RAPGEF1: variants seen among roughly 807,000 people sequenced by gnomAD.
The protein encoded by RAPGEF1 is CRK SH3-binding GNRP.
Under a neutral mutation model 143.3 loss-of-function variants are expected in RAPGEF1, and 33 were observed. The ratio of observed to expected loss-of-function variants is 0.23; its 90% CI spans 0.17 to 0.31. RAPGEF1 has a LOEUF of 0.31. Among genes scored for constraint, RAPGEF1 ranks in the 10% least tolerant of loss-of-function variants. RAPGEF1 has a pLI of 1.00. For missense variants in RAPGEF1, 1,199 were observed against 1,645.4 expected, an observed-to-expected ratio of 0.73 and a Z score of 4.69; for synonymous variants, 629 against 676.5, an observed-to-expected ratio of 0.93 and a Z score of 1.09.
intron 1 of RAPGEF1, among the ~76,000 whole-genome samples, chr9:131,672,020 C>A (rs566341998): frequency 6.6e-6 from 1 of 152,216 alleles, no homozygotes; most frequent in African/African-American, 2.4e-5. Flanking sequence ...GGAGAAACCC[C>A]CTCACTGGGC....
At chr9:131,719,778 G>C (rs1244638467) in intron 1 of RAPGEF1, among the ~76,000 whole-genome samples, 1 of 151,792 alleles carries the variant, frequency 6.6e-6, no homozygotes, top group Non-Finnish European at 1.5e-5. Flanking sequence ...TTTGAGATCT[G>C]AAAGAGTTAA....
intron 10 of RAPGEF1, 97 bp from the exon 11 acceptor site, chr9:131,622,095 C>G: frequency 2.6e-6 from 3 of 1,170,850 alleles, no homozygotes; most frequent in Non-Finnish European, 2.5e-6. Flanking sequence ...GGGCTTTCCA[C>G]TGAAAGCACC....
intron 16 of RAPGEF1, among the ~76,000 whole-genome samples, chr9:131,597,511 G>GC (rs1955507030): frequency 6.6e-6 from 1 of 152,168 alleles, no homozygotes; most frequent in Non-Finnish European, 1.5e-5. Flanking sequence ...TCAAATCGAA[G>GC]CCCCAAAACA....
intron 9 of RAPGEF1, among the ~76,000 whole-genome samples, chr9:131,626,829 G>T (rs906385771): frequency 3.3e-5 from 5 of 152,158 alleles, no homozygotes; most frequent in Admixed American, 3.3e-4. Flanking sequence ...AGGGCCACGC[G>T]GTGGCTCACG....
At chr9:131,634,080 G>A (rs1188810656) in intron 5 of RAPGEF1, among the ~76,000 whole-genome samples, 1 of 152,122 alleles carries the variant, frequency 6.6e-6, no homozygotes, top group African/African-American at 2.4e-5. Flanking sequence ...TGGGCAACAT[G>A]GTAAAAATCT....
intron 1 of RAPGEF1, among the ~76,000 whole-genome samples, chr9:131,686,044 A>G (rs1833322553): frequency 1.3e-5 from 2 of 152,102 alleles, no homozygotes; most frequent in Admixed American, 1.3e-4. Context: ...CACTGATACG[A>G]TTCTGGTGTT....
In RAPGEF1 at chr9:131,596,304, T is replaced by A; in HGVS notation, c.2683A>T (p.Arg895Trp). The change falls in exon 17 of 27, where the codon AGG becomes TGG. Residue 895 changes from arginine (R) to tryptophan (W), a missense_variant. By Grantham distance (101) the Arg-to-Trp change is moderately radical (BLOSUM62 -3). Coordinates refer to ENST00000683357, the MANE Select transcript of RAPGEF1 (RefSeq NM_001377935.1). Reference sequence around the variant, plus strand: ...GAGCTCACTGACACCCTACCTTTCCTGTCAGTCTCAGTAGCATGGACCAGT... The same window carrying A: ...GAGCTCACTGACACCCTACCTTTCCAGTCAGTCTCAGTAGCATGGACCAGT... ...ILLVHATETD[R>W]KDLVLYCEAF... is the part of the protein sequence containing the mutation. 6.2e-7 allele frequency: 1 copy of A among 1,613,928 alleles called. No individual in the cohort carries two copies. Among genetic ancestry groups the A allele is most frequent in the Non-Finnish European group, 8.5e-7 (1 of 1,179,830 alleles).
rs763268680 is a variant in RAPGEF1 at position 131,589,870 on chromosome 9, A to C, written c.2867+16T>G. 29 of 1,609,334 alleles carry C rather than the reference A, an allele frequency of 1.8e-5. No homozygotes were observed. The highest frequency in any genetic ancestry group is 2.4e-5 in the Non-Finnish European group (28 of 1,175,878). ...CTCCCCACTGGCCCCCAGGACCCCA[A>C]GGGTGAAGCACTCACCAGAGCTCAT... On this transcript the variant is annotated intron_variant, in intron 19 of 26. Coordinates refer to ENST00000683357, the MANE Select transcript of RAPGEF1 (RefSeq NM_001377935.1).
chr9:131,591,120 G>A (rs1315738216), intron 18 of RAPGEF1, among the ~76,000 whole-genome samples: 1 of 152,248 alleles, frequency 6.6e-6, no homozygotes, highest in African/African-American at 2.4e-5. Context: ...CTGTGAGCAG[G>A]TGCTCTGAGT....
chr9:131,634,905 C>T (rs1363910120), intron 5 of RAPGEF1, among the ~76,000 whole-genome samples: 1 of 151,840 alleles, frequency 6.6e-6, no homozygotes, highest in Non-Finnish European at 1.5e-5. Context: ...GTGGCTCGGC[C>T]CCCCAGCATC....
intron 6 of RAPGEF1, 119 bp from the exon 7 acceptor site, chr9:131,629,373 G>A: frequency 9.7e-7 from 1 of 1,030,590 alleles, no homozygotes; most frequent in Non-Finnish European, 1.4e-6. Flanking sequence ...TGGGGCTGAA[G>A]AGCAGGCTCC....
At chr9:131,614,692 G>A (rs115864529) in intron 12 of RAPGEF1, among the ~76,000 whole-genome samples, 364 of 152,384 alleles carry the variant, frequency 2.4e-3, no homozygotes, top group African/African-American at 8.5e-3. Context: ...TCTGTTGAGA[G>A]CACATGTGCT....
intron 1 of RAPGEF1, among the ~76,000 whole-genome samples, chr9:131,683,760 G>A (rs1181636250): frequency 6.6e-6 from 1 of 152,182 alleles, no homozygotes; most frequent in Non-Finnish European, 1.5e-5. Flanking sequence ...TGTAATTGAG[G>A]TATTGACTGC....
intron 12 of RAPGEF1, among the ~76,000 whole-genome samples, chr9:131,608,225 C>T (rs1332535111): frequency 2.0e-5 from 3 of 152,236 alleles, no homozygotes; most frequent in East Asian, 1.9e-4. Context: ...GGTGCTGGTG[C>T]GGACGACCTC....
chr9:131,634,644 C>T (rs1588634762), intron 5 of RAPGEF1, among the ~76,000 whole-genome samples: 1 of 124,354 alleles, frequency 8.0e-6, no homozygotes, highest in South Asian at 2.8e-4. Context: ...ACCCAGGAGG[C>T]GGAGGTTGCA....
At chr9:131,707,877 T>G (rs1835195358) in intron 1 of RAPGEF1, among the ~76,000 whole-genome samples, 1 of 152,238 alleles carries the variant, frequency 6.6e-6, no homozygotes, top group Non-Finnish European at 1.5e-5. Context: ...CACTCCTACA[T>G]GACTCAGCAC....
chr9:131,687,481 C>T (rs1833445458), intron 1 of RAPGEF1, among the ~76,000 whole-genome samples: 1 of 149,600 alleles, frequency 6.7e-6, no homozygotes. Flanking sequence ...AGGCGTGAGC[C>T]ATCGCACCCG....
chr9:131,677,565 G>A (rs769641710), intron 1 of RAPGEF1, among the ~76,000 whole-genome samples: 1 of 152,172 alleles, frequency 6.6e-6, no homozygotes, highest in Non-Finnish European at 1.5e-5. Context: ...ATTTTTAGCA[G>A]TCCATTTTGC....
chr9:131,609,169 C>G (rs2132598412), intron 12 of RAPGEF1, among the ~76,000 whole-genome samples: 1 of 152,126 alleles, frequency 6.6e-6, no homozygotes, highest in South Asian at 2.1e-4. Context: ...CCAGTCGAAA[C>G]ACAGCAGGGA....
Sources: allele counts gnomAD v4.1 joint callset (sites outside exome capture counted in the v4.1 genomes callset), GRCh38; gene constraint gnomAD v4.1.1; transcripts MANE v1.5; gene names NCBI Gene and HGNC (gene_info 2026-07-23, HGNC 2026-07-21).